Variants in PCNX2 observed in about 807,000 individuals in gnomAD.
PCNX2 encodes pecanex 2, also known as pecanex-like protein 2.
In PCNX2, 168 loss-of-function variants were observed where a neutral mutation model predicts 223.8. The observed-to-expected ratio is 0.75, with a 90% CI of 0.66 to 0.85. The LOEUF (loss-of-function observed/expected upper bound fraction) is 0.85. Ranked by LOEUF, PCNX2 falls within the 40% of genes least tolerant of loss-of-function variation. The pLI is 0.00. For synonymous variants in PCNX2, 1,006 were observed against 1,052.6 expected, an observed-to-expected ratio of 0.96 and a Z score of 0.86; for missense variants, 2,507 against 2,675.5, an observed-to-expected ratio of 0.94 and a Z score of 1.39.
chr1:233,241,615 G>A (rs1006231716), intron 8 of PCNX2, among the ~76,000 whole-genome samples: 2 of 152,086 alleles, frequency 1.3e-5, no homozygotes, highest in South Asian at 2.1e-4. Flanking sequence ...AAGGCACCAA[G>A]AACCCACACA....
Position 233,090,061 on chromosome 1 carries a change from T to C in PCNX2, c.4076A>G (p.Asn1359Ser). The C allele has an allele frequency of 6.2e-7, 1 of 1,613,704 alleles. No individual in the cohort carries two copies. The highest frequency in any genetic ancestry group is 8.5e-7 in the Non-Finnish European group (1 of 1,179,824). Reference sequence around the variant, plus strand: ...TTGAGCACTGATTTTAGGATCTTACTTGTAGTTTTTCTCCCAGAATTTCAC... The same window carrying C: ...TTGAGCACTGATTTTAGGATCTTACCTGTAGTTTTTCTCCCAGAATTTCAC... ...RPVKFWEKNY[N>S]TRRVDNSNTR... Residue 1359 changes from asparagine to serine, a missense_variant and splice_region_variant, in exon 23 of 34, where the codon AAT becomes AGT. Coordinates refer to ENST00000258229, the MANE Select transcript of PCNX2 (RefSeq NM_014801.4).
At position 233,193,779 on chromosome 1, in the gene PCNX2, C is replaced by T. The variant is rs941663326; in HGVS notation, c.3066+5160G>A. The stretch of plus-strand genomic sequence containing the variant: ...CATCAAATAGAAATGTTGGTTCTTT[C>T]GTGAGTTTATCATCGGACTAGACAC... On this transcript the variant is annotated intron_variant, in intron 15 of 33. Coordinates refer to ENST00000258229, the MANE Select transcript of PCNX2 (RefSeq NM_014801.4). Among the ~76,000 whole-genome samples the T allele has an allele frequency of 7.2e-5, 11 of 151,970 alleles. No individual in the cohort carries two copies. The East Asian group carries it at 9.6e-4, about 13-fold the overall frequency.
chr1:233,213,454 T>C (rs1373479684), intron 12 of PCNX2, among the ~76,000 whole-genome samples: 1 of 152,208 alleles, frequency 6.6e-6, no homozygotes, highest in Admixed American at 6.5e-5. Flanking sequence ...AAATGTATCA[T>C]ATTGTGACTA....
the PCNX2 span, among the ~76,000 whole-genome samples, chr1:233,307,999 C>A: frequency 1.3e-5 from 2 of 152,232 alleles, no homozygotes; most frequent in East Asian, 1.9e-4. Flanking sequence ...CTTCTGTTAA[C>A]CAAGTTATGA....
chr1:233,033,608 A>T (rs924841913), intron 25 of PCNX2, among the ~76,000 whole-genome samples: 3 of 152,272 alleles, frequency 2.0e-5, no homozygotes, highest in Admixed American at 6.5e-5. Context: ...CCTTAATAAC[A>T]TTGCACAGTA....
intron 9 of PCNX2, among the ~76,000 whole-genome samples, chr1:233,232,363 A>G (rs1658116392): frequency 6.6e-6 from 1 of 152,162 alleles, no homozygotes; most frequent in South Asian, 2.1e-4. Flanking sequence ...AAGTGTTCTG[A>G]GCATGTTTAA....
rs1055042454 is a variant in PCNX2, at chr1:233,188,521, A to G, written c.3067-9346T>C. Among the ~76,000 whole-genome samples, 3 of 152,098 alleles carry G rather than the reference A, an allele frequency of 2.0e-5. No individual in the cohort carries two copies. In the East Asian group the frequency reaches 5.8e-4, roughly 29 times the overall value. The stretch of plus-strand genomic sequence containing the variant: ...CTCCCTTTTTAGGTCAGACCCACTC[A>G]GAGTAATCTCCATTTTTTTGAGACG... On this transcript the variant is annotated intron_variant, in intron 15 of 33. Coordinates refer to ENST00000258229, the MANE Select transcript of PCNX2 (RefSeq NM_014801.4).
chr1:233,225,235 T>C (rs1657638474), intron 10 of PCNX2, among the ~76,000 whole-genome samples: 1 of 152,108 alleles, frequency 6.6e-6, no homozygotes, highest in Non-Finnish European at 1.5e-5. Context: ...TTAATTTTTC[T>C]TCTTTCTGGG....
chr1:233,206,644 CT>C (rs1372900052), intron 13 of PCNX2, among the ~76,000 whole-genome samples: 8 of 152,092 alleles, frequency 5.3e-5, no homozygotes, highest in African/African-American at 1.9e-4. Flanking sequence ...TGGATCTGTT[CT>C]TATTTTTTTT....
rs1658460021 is a variant in PCNX2, at chr1:233,236,966, C to T, written c.2237G>A (p.Ser746Asn). 1.9e-6 allele frequency: 3 copies of T among 1,613,930 alleles called. No homozygotes were observed. Among genetic ancestry groups the T allele is most frequent in the Non-Finnish European group, 2.5e-6 (3 of 1,179,852 alleles). ...CTCAGAAGTTGTGGTACTGGAGGAG[C>T]TGACCTGCATCTCTCTGAGGATGGG... ...CLSQAREMQV[S>N]SSSTTTSESQ... The change falls in exon 9 of 34, where the codon AGC becomes AAC. Residue 746 changes from serine to asparagine, a missense_variant. Transcript: ENST00000258229.
Position 233,139,673 on chromosome 1 carries a change from G to A in PCNX2, c.3659+41C>T. 1 of 1,537,392 alleles carries A rather than the reference G, an allele frequency of 6.5e-7. No homozygotes were observed. The highest frequency in any genetic ancestry group is 8.8e-7 in the Non-Finnish European group (1 of 1,136,926). ...AGAAAATTCACTCGATTTTGAAAAT[G>A]TGACCCAAATCATTATGAAGATAAA... On this transcript the variant is annotated intron_variant, in intron 20 of 33. Coordinates refer to ENST00000258229, the MANE Select transcript of PCNX2 (RefSeq NM_014801.4). The surrounding 1 kb of genome is among the most constrained non-coding windows in gnomAD (Gnocchi z 4.4).
intron 12 of PCNX2, among the ~76,000 whole-genome samples, chr1:233,209,840 A>G (rs1681721987): frequency 6.6e-6 from 1 of 152,220 alleles, no homozygotes; most frequent in African/African-American, 2.4e-5. Flanking sequence ...ACTGAAGCTA[A>G]AGCCCAAGTT....
At chr1:233,200,012 C>T (rs1222515162) in intron 14 of PCNX2, 142 bp downstream of exon 14, 8 of 669,758 alleles carry the variant, frequency 1.2e-5, no homozygotes, top group African/African-American at 1.9e-5. Context: ...CCCATCATCA[C>T]CCAGACTGAT....
Position 233,227,332 on chromosome 1 carries a change from T to G in PCNX2, c.2398A>C (p.Thr800Pro), listed in dbSNP as rs1558367035. The G allele has an allele frequency of 1.2e-6, 2 of 1,613,722 alleles. No individual in the cohort carries two copies. Among genetic ancestry groups the G allele is most frequent in the Non-Finnish European group, 1.7e-6 (2 of 1,179,736 alleles). Residue 800 changes from threonine to proline, a missense_variant, in exon 10 of 34, where the codon ACA (threonine) becomes CCA (proline). Transcript: ENST00000258229. ...TGCTCTCGGTTAAATTTTCCTTGTG[T>G]TGAAGAACATGACGAGGCTTCCAGA... ...QDLEASSCSS[T>P]QGKFNREQFY...
chr1:233,125,994 G>C (rs894230003), intron 21 of PCNX2: 6 of 152,276 alleles, frequency 3.9e-5, no homozygotes, highest in African/African-American at 1.4e-4. Flanking sequence ...CAGATCACCC[G>C]AGGTCAGGAG....
At chr1:233,132,892 CTTTTTTTTT>C (rs892121349) in intron 21 of PCNX2, among the ~76,000 whole-genome samples, 1 of 114,858 alleles carries the variant, frequency 8.7e-6, no homozygotes, top group Non-Finnish European at 1.8e-5. Context: ...CATTTTACAT[CTTTTTTTTT>C]TTTTTTTTTT....
intron 25 of PCNX2, among the ~76,000 whole-genome samples, chr1:233,046,995 CT>C (rs1421734379): frequency 2.0e-5 from 3 of 152,144 alleles, no homozygotes; most frequent in Non-Finnish European, 4.4e-5. Context: ...CAGATTTCCC[CT>C]TTTCAAACCC....
At chr1:233,249,879 G>A (rs2102984411) in intron 8 of PCNX2, among the ~76,000 whole-genome samples, 1 of 152,296 alleles carries the variant, frequency 6.6e-6, no homozygotes, top group Non-Finnish European at 1.5e-5. Context: ...CAAGGACAAA[G>A]ACAGCCTTTA....
intron 15 of PCNX2, among the ~76,000 whole-genome samples, chr1:233,196,391 C>A (rs1007215588): frequency 6.6e-6 from 1 of 151,652 alleles, no homozygotes; most frequent in African/African-American, 2.4e-5. Context: ...CTAAAAACTT[C>A]TGCTTTTCAA....
Sources: allele counts gnomAD v4.1 joint callset (sites outside exome capture counted in the v4.1 genomes callset), GRCh38; gene constraint gnomAD v4.1.1; non-coding constraint Gnocchi (gnomAD v3.1); transcripts MANE v1.5; gene names NCBI Gene and HGNC (gene_info 2026-07-23, HGNC 2026-07-21).